The following CDK5RAP2 variants were observed in gnomAD, a reference collection of about 807,000 sequenced individuals.
CDK5RAP2 encodes the protein CDK5 regulatory subunit-associated protein 2.
Under a neutral mutation model 232.9 loss-of-function variants are expected in CDK5RAP2, and 147 were observed. That is an observed-to-expected ratio of 0.63 (90% confidence interval 0.55 to 0.72). The LOEUF is 0.72. Ranked by LOEUF, CDK5RAP2 falls within the 30% of genes least tolerant of loss-of-function variation. The probability of loss-of-function intolerance (pLI) is 0.00; values close to 1 mark genes in which losing one functional copy is unlikely to be tolerated. For synonymous variants in CDK5RAP2, 833 were observed against 833.7 expected (o/e 1.00, Z 0.01); for missense variants, 2,195 against 2,231.5 (o/e 0.98, Z 0.33).
At chr9:120,538,295 T>C (rs2041481017) in intron 6 of CDK5RAP2, among the ~76,000 whole-genome samples, 1 of 152,182 alleles carries the variant, frequency 6.6e-6, no homozygotes, top group Non-Finnish European at 1.5e-5. Context: ...TTTCTCTCCA[T>C]ATCTAAAAAG....
At chr9:120,491,965 C>G (rs181588937) in intron 12 of CDK5RAP2, among the ~76,000 whole-genome samples, 157 of 152,032 alleles carry the variant, frequency 1.0e-3, no homozygotes, top group Admixed American at 1.6e-3. Flanking sequence ...ACTTATTTTT[C>G]TAAGTTTCCA....
At position 120,409,218 on chromosome 9, in the gene CDK5RAP2, T is replaced by C. The variant is rs1389402765; in HGVS notation, c.4513A>G (p.Asn1505Asp). 6.2e-7 allele frequency: 1 copy of C among 1,614,126 alleles called. No homozygotes were observed. The highest frequency in any genetic ancestry group is 1.7e-5 in the Admixed American group (1 of 60,020). Residue 1505 changes from asparagine to aspartate, a missense_variant, in exon 30 of 38, where the codon AAT (asparagine) becomes GAT (aspartate). By Grantham distance (23) the Asn-to-Asp change is conservative (BLOSUM62 1). Coordinates refer to ENST00000349780, the MANE Select transcript of CDK5RAP2 (RefSeq NM_018249.6). ...CTGCCTTCTTTCTGCAGCCTTTCAT[T>C]TTCTTCCTTCACGCTGGCATACTCC... ...QREYASVKEE[N>D]ERLQKEGSEK... is the part of the protein sequence containing the mutation.
At chr9:120,454,717 C>G (rs895676424) in intron 20 of CDK5RAP2, among the ~76,000 whole-genome samples, 1 of 152,182 alleles carries the variant, frequency 6.6e-6, no homozygotes, top group Non-Finnish European at 1.5e-5. Flanking sequence ...GAAACAGTTT[C>G]CATTTCTGGG....
Position 120,403,341 on chromosome 9 carries a change from G to T in CDK5RAP2, c.5042-270C>A. On this transcript the variant is annotated intron_variant, in intron 33 of 37. Transcript: ENST00000349780. The surrounding 1 kb of genome is among the most constrained non-coding windows in gnomAD (Gnocchi z 4.2). ...TCGGCAGAAGACCCCAGATTCACAA[G>T]GATGACTCAAGCTGGTGCCTGCATT... The T allele has an allele frequency of 2.1e-6, 1 of 474,496 alleles. No individual in the cohort carries two copies. The highest frequency in any genetic ancestry group is 3.9e-6 in the Non-Finnish European group (1 of 259,120). The allele number at this position is 474,496 out of a possible 1,614,324, so 29.4% of individuals were successfully genotyped here.
intron 3 of CDK5RAP2, among the ~76,000 whole-genome samples, chr9:120,565,401 A>G (rs1401576024): frequency 6.6e-6 from 1 of 152,104 alleles, no homozygotes; most frequent in African/African-American, 2.4e-5. Context: ...TTCTCCTCAT[A>G]GTCACCAGCC....
intron 12 of CDK5RAP2, among the ~76,000 whole-genome samples, chr9:120,514,539 G>A (rs756717936): frequency 2.0e-5 from 3 of 152,134 alleles, no homozygotes; most frequent in Non-Finnish European, 4.4e-5. Flanking sequence ...TGATCCCAGC[G>A]TGGCTGGCAA....
intron 13 of CDK5RAP2, among the ~76,000 whole-genome samples, chr9:120,488,735 T>C (rs2038740266): frequency 6.6e-6 from 1 of 152,262 alleles, no homozygotes; most frequent in Non-Finnish European, 1.5e-5. Flanking sequence ...ATTTACATTA[T>C]AGCCACGCAG....
intron 5 of CDK5RAP2, among the ~76,000 whole-genome samples, chr9:120,542,495 CAA>C (rs369756744): frequency 1.3e-4 from 12 of 93,366 alleles, no homozygotes; most frequent in Non-Finnish European, 1.3e-4. Flanking sequence ...GACTCCATCT[CAA>C]AAAAAAAAAA....
intron 3 of CDK5RAP2, among the ~76,000 whole-genome samples, chr9:120,566,705 T>G (rs933975098): frequency 6.6e-6 from 1 of 152,234 alleles, no homozygotes; most frequent in Non-Finnish European, 1.5e-5. Context: ...AGAGGTTAAG[T>G]GACCGGCCAC....
At chr9:120,551,136 T>C (rs1336805197) in intron 3 of CDK5RAP2, among the ~76,000 whole-genome samples, 4 of 152,104 alleles carry the variant, frequency 2.6e-5, no homozygotes, top group East Asian at 1.9e-4. Context: ...GAATGAATAA[T>C]GACTGAATAA....
intron 6 of CDK5RAP2, among the ~76,000 whole-genome samples, chr9:120,538,526 C>A (rs2041491716): frequency 6.6e-6 from 1 of 152,052 alleles, no homozygotes; most frequent in Non-Finnish European, 1.5e-5. Flanking sequence ...CCATGAGCAC[C>A]AGCAGGATGG....
chr9:120,453,908 A>C (rs1028066337), intron 20 of CDK5RAP2, 35 bp from the exon 21 acceptor site: 1 of 1,608,818 alleles, frequency 6.2e-7, no homozygotes, highest in African/African-American at 1.3e-5. Context: ...TGGGAGAACC[A>C]AGCTTTCTGC....
intron 22 of CDK5RAP2, among the ~76,000 whole-genome samples, chr9:120,444,263 A>T (rs1203002662): frequency 1.3e-5 from 2 of 152,356 alleles, no homozygotes; most frequent in Non-Finnish European, 2.9e-5. Flanking sequence ...AAATATAAAA[A>T]ATTTAAATTT....
At chr9:120,520,937 C>T (rs2040620396) in intron 11 of CDK5RAP2, among the ~76,000 whole-genome samples, 1 of 149,808 alleles carries the variant, frequency 6.7e-6, no homozygotes, top group Non-Finnish European at 1.5e-5. Flanking sequence ...TCTCATATAT[C>T]ATATATCTCA....
chr9:120,473,336 CA>C (rs879693992), intron 15 of CDK5RAP2, among the ~76,000 whole-genome samples: 23 of 152,102 alleles, frequency 1.5e-4, no homozygotes, highest in African/African-American at 5.3e-4. Flanking sequence ...AAATTATCTG[CA>C]AAAAATGAAT....
chr9:120,561,101 T>C (rs1382191085), intron 3 of CDK5RAP2, among the ~76,000 whole-genome samples: 1 of 152,128 alleles, frequency 6.6e-6, no homozygotes, highest in East Asian at 1.9e-4. Context: ...ACAAAAACCA[T>C]GAACTTGGCT....
In CDK5RAP2 at chr9:120,528,811, T is replaced by C. The variant is rs758416245; in HGVS notation, c.826-14A>G. The C allele has an allele frequency of 6.2e-7, 1 of 1,603,118 alleles. No homozygotes were observed. Among genetic ancestry groups the C allele is most frequent in the Non-Finnish European group, 8.5e-7 (1 of 1,169,896 alleles). On this transcript the variant is annotated splice_polypyrimidine_tract_variant and intron_variant, in intron 8 of 37. Transcript: ENST00000349780. The stretch of plus-strand genomic sequence containing the variant: ...CATTTGTGCAGCCTAAGAAAAGGCA[T>C]TAATTGGTGTGAAGAAGGGACGTGC...
intron 14 of CDK5RAP2, among the ~76,000 whole-genome samples, chr9:120,480,743 G>A (rs917564344): frequency 5.9e-5 from 9 of 152,194 alleles, no homozygotes; most frequent in Admixed American, 3.9e-4. Context: ...CCTGATCCAG[G>A]AGAATACTGT....
intron 2 of CDK5RAP2, among the ~76,000 whole-genome samples, chr9:120,569,752 G>T (rs1264232552): frequency 6.6e-6 from 1 of 152,170 alleles, no homozygotes; most frequent in African/African-American, 2.4e-5. Flanking sequence ...TTCGACTTAG[G>T]TTTCTACAGG....
Sources: gnomAD v4.1 joint callset for allele counts (sites outside exome capture counted in the v4.1 genomes callset) on GRCh38, gnomAD v4.1.1 for gene constraint, Gnocchi (gnomAD v3.1) non-coding constraint, MANE v1.5 for transcripts, NCBI Gene and HGNC (gene_info 2026-07-23, HGNC 2026-07-21) for gene names.